The following PNPLA6 variants were observed in gnomAD, a reference collection of about 807,000 sequenced individuals.
The protein encoded by PNPLA6 is patatin-like phospholipase domain-containing protein 6.
In PNPLA6, 105 loss-of-function variants were observed where a neutral mutation model predicts 153.7. The observed-to-expected ratio is 0.68, with a 90% CI of 0.58 to 0.80. PNPLA6 has a LOEUF of 0.80. Ranked by LOEUF, PNPLA6 falls within the 30% of genes least tolerant of loss-of-function variation. PNPLA6 has a pLI of 0.00. For missense variants in PNPLA6, 1,423 were observed against 1,919.3 expected, an observed-to-expected ratio of 0.74 and a Z score of 4.83; for synonymous variants, 825 against 822.2, an observed-to-expected ratio of 1.00 and a Z score of -0.06.
upstream of PNPLA6, chr19:7,535,620 G>T (rs763048106): frequency 1.0e-5 from 16 of 1,586,770 alleles, no homozygotes; most frequent in South Asian, 5.7e-5. The surrounding 1 kb of genome is among the most constrained non-coding windows in gnomAD (Gnocchi z 5.0). Flanking sequence ...GGCGTGGGGC[G>T]CCAAGAGGAC....
intron 24 of PNPLA6, 51 bp from the exon 25 acceptor site, chr19:7,556,402 C>T: frequency 9.0e-7 from 1 of 1,108,560 alleles, no homozygotes; most frequent in Non-Finnish European, 1.4e-6. Flanking sequence ...TGAACCTTAT[C>T]TGTGACCCCA....
At chr19:7,556,053 C>CA (rs2023865322) in intron 24 of PNPLA6, among the ~76,000 whole-genome samples, 1 of 60,316 alleles carries the variant, frequency 1.7e-5, no homozygotes, top group Non-Finnish European at 3.0e-5. Flanking sequence ...CTAAGTGTTC[C>CA]TTTTTTTTTT....
Position 7,543,039 on chromosome 19 carries a change from G to A in PNPLA6, c.1563G>A (p.Leu521=). The A allele has an allele frequency of 6.2e-7, 1 of 1,613,930 alleles. No individual in the cohort carries two copies. The change falls in exon 13 of 32, where the codon CTG becomes CTA. Residue 521 remains leucine (L), a synonymous_variant. Transcript: ENST00000600737. The part of the protein sequence containing the change: ...DPSLLNSRVL[L]HHAKAGTIIA... ...CCCTCCTGAACAGCAGAGTCTTGCT[G>A]CACCACGCCAAAGCTGGCACCATCA... is the stretch of plus-strand genomic sequence containing the variant.
At position 7,555,579 on chromosome 19, in the gene PNPLA6, G is replaced by A. The variant is rs774786409; in HGVS notation, c.2937-28G>A. The A allele has an allele frequency of 5.6e-6, 9 of 1,609,194 alleles. No individual in the cohort carries two copies. The African/African-American group carries it at 1.1e-4, about 19-fold the overall frequency. The stretch of plus-strand genomic sequence containing the variant: ...GGAGTTCCTGCAGGTGGGGCCTAGC[G>A]GGTCACTGGGGCCCATTTTCCCGGC... On this transcript the variant is annotated intron_variant, in intron 23 of 31. Transcript: ENST00000600737. The surrounding 1 kb of genome is among the most constrained non-coding windows in gnomAD (Gnocchi z 6.3).
In PNPLA6 at chr19:7,550,551, C is replaced by T. The variant is rs1452914355; in HGVS notation, c.1981C>T (p.Leu661Phe). The T allele has an allele frequency of 6.2e-7, 1 of 1,613,294 alleles. No homozygotes were observed. Residue 661 changes from leucine to phenylalanine, a missense_variant, in exon 16 of 32, where the codon CTC (leucine) becomes TTC (phenylalanine). By Grantham distance (22) the Leu-to-Phe change is conservative (BLOSUM62 0). Coordinates refer to ENST00000600737, the MANE Select transcript of PNPLA6 (RefSeq NM_001166114.2). The stretch of plus-strand genomic sequence containing the variant: ...CCGCTCCGACTGCACTTACATCGTG[C>T]TCAATGGGCGGCTGCGTAGCGTGAT... Reference protein sequence around the residue: ...GDRSDCTYIVLNGRLRSVIQR... With the variant: ...GDRSDCTYIVFNGRLRSVIQR...
At chr19:7,544,354 C>T (rs771707653) in intron 13 of PNPLA6, among the ~76,000 whole-genome samples, 7 of 152,150 alleles carry the variant, frequency 4.6e-5, no homozygotes, top group Non-Finnish European at 8.8e-5. Context: ...TCAGGTGATC[C>T]GCCTGCCTCG....
Position 7,541,278 on chromosome 19 carries a change from G to T in PNPLA6, c.925-76G>T, listed in dbSNP as rs915602542. 8.8e-6 allele frequency: 12 copies of T among 1,356,718 alleles called. No individual in the cohort carries two copies. Among genetic ancestry groups the T allele is most frequent in the Non-Finnish European group, 1.2e-5 (12 of 962,696 alleles). 84.0% of individuals were successfully genotyped at this position (1,356,718 alleles called of 1,614,324 possible). On this transcript the variant is annotated intron_variant, in intron 7 of 31. Coordinates refer to ENST00000600737, the MANE Select transcript of PNPLA6 (RefSeq NM_001166114.2). This position sits in a 1 kb window ranked among gnomAD's most constrained non-coding sequence, Gnocchi z 5.2. ...GTTCCCGCCCGACCCCTTATGCTGC[G>T]AACTAGCCCGGCCCACCATCTGGCC... is the stretch of plus-strand genomic sequence containing the variant.
intron 27 of PNPLA6, 41 bp from the exon 28 acceptor site, chr19:7,558,809 C>T: frequency 2.0e-6 from 3 of 1,515,292 alleles, no homozygotes; most frequent in Non-Finnish European, 2.7e-6. Flanking sequence ...CTGCCCCGGG[C>T]CCCCGAGGGG....
At chr19:7,535,419 G>C, upstream of PNPLA6, 1 of 965,808 alleles carries the variant, frequency 1.0e-6, no homozygotes, top group Non-Finnish European at 1.6e-6. The surrounding 1 kb of genome is among the most constrained non-coding windows in gnomAD (Gnocchi z 5.0). Context: ...CAGAGGGCAG[G>C]GCTTGAGCTG....
intron 18 of PNPLA6, 107 bp from the exon 19 acceptor site, chr19:7,553,768 G>T: frequency 1.4e-6 from 2 of 1,460,774 alleles, no homozygotes; most frequent in Non-Finnish European, 1.9e-6. Flanking sequence ...TGGGAGCACA[G>T]GAGCAAGAAT....
chr19:7,551,351 A>G lies in PNPLA6; in HGVS notation c.2185-11A>G. On this transcript the variant is annotated splice_polypyrimidine_tract_variant and intron_variant, in intron 17 of 31. Coordinates refer to ENST00000600737, the MANE Select transcript of PNPLA6 (RefSeq NM_001166114.2). The stretch of plus-strand genomic sequence containing the variant: ...AGGTCTCACTGAAATGCCGGCCTCC[A>G]ACGCCCCCAGGTCGTGACCCGCCTT... 6.2e-7 allele frequency: 1 copy of G among 1,613,702 alleles called. No homozygotes were observed. The highest frequency in any genetic ancestry group is 1.1e-5 in the South Asian group (1 of 91,078).
Position 7,546,966 on chromosome 19 carries a change from G to A in PNPLA6, c.1609-2941G>A, listed in dbSNP as rs1377794584. 4.0e-5 allele frequency among the ~76,000 whole-genome samples: 6 copies of A among 151,370 alleles called. No individual in the cohort carries two copies. In the South Asian group the frequency reaches 6.3e-4, roughly 16 times the overall value. On this transcript the variant is annotated intron_variant, in intron 13 of 31. Transcript: ENST00000600737. The stretch of plus-strand genomic sequence containing the variant: ...GTCGCCCAGGCTGGAGTGCAGTGGC[G>A]CGATCTCAGCTCACTGCAACCTCTG...
At chr19:7,539,757 CAAAAA>C (rs762061101) in intron 3 of PNPLA6, among the ~76,000 whole-genome samples, 156 bp from the exon 4 acceptor site, 5 of 50,894 alleles carry the variant, frequency 9.8e-5, no homozygotes, top group African/African-American at 1.4e-4. Flanking sequence ...AACTTCGTCT[CAAAAA>C]AAAAAAAAAA....
chr19:7,535,231 G>A, upstream of PNPLA6: 1 of 559,184 alleles, frequency 1.8e-6, no homozygotes, highest in Non-Finnish European at 3.2e-6. This position sits in a 1 kb window ranked among gnomAD's most constrained non-coding sequence, Gnocchi z 5.0. Flanking sequence ...TTTGGCCCCG[G>A]GGTGGGGTTG....
At chr19:7,556,364 T>G in intron 24 of PNPLA6, 89 bp from the exon 25 acceptor site, 3 of 838,208 alleles carry the variant, frequency 3.6e-6, no homozygotes, top group Non-Finnish European at 6.3e-6. Flanking sequence ...ACCTGGCCCC[T>G]AAGTGCTGCT....
chr19:7,535,582 G>A (rs1308568884), upstream of PNPLA6: 1 of 1,604,280 alleles, frequency 6.2e-7, no homozygotes, highest in South Asian at 1.1e-5. This position sits in a 1 kb window ranked among gnomAD's most constrained non-coding sequence, Gnocchi z 5.0. Flanking sequence ...GGAATGGTAA[G>A]GGGTGGGGCG....
At chr19:7,547,175 G>A (rs1309171676) in intron 13 of PNPLA6, among the ~76,000 whole-genome samples, 1 of 152,296 alleles carries the variant, frequency 6.6e-6, no homozygotes, top group South Asian at 2.1e-4. Context: ...AAAGTGCTGG[G>A]ATTACAGATG....
intron 26 of PNPLA6, 184 bp downstream of exon 26, chr19:7,556,908 G>T (rs1332073880): frequency 2.9e-6 from 2 of 692,324 alleles, no homozygotes; most frequent in Non-Finnish European, 2.6e-6. Flanking sequence ...TCCGTCCTTG[G>T]GGGAGGGGAG....
chr19:7,538,742 T>C (rs1169939048), intron 3 of PNPLA6, among the ~76,000 whole-genome samples: 1 of 152,208 alleles, frequency 6.6e-6, no homozygotes, highest in African/African-American at 2.4e-5. Context: ...GAGGAAGGTC[T>C]ATCTCAGGAA....
Sources: gnomAD v4.1 joint callset for allele counts (sites outside exome capture counted in the v4.1 genomes callset) on GRCh38, gnomAD v4.1.1 for gene constraint, Gnocchi (gnomAD v3.1) non-coding constraint, MANE v1.5 for transcripts, NCBI Gene and HGNC (gene_info 2026-07-23, HGNC 2026-07-21) for gene names.